Variants in ELOVL6 observed in about 807,000 individuals in gnomAD.
ELOVL6 encodes very long chain fatty acid elongase 6.
A neutral mutation model predicts 31.7 loss-of-function variants in ELOVL6; 8 were observed. That is an observed-to-expected ratio of 0.25 (90% confidence interval 0.15 to 0.45). ELOVL6 has a LOEUF of 0.45. ELOVL6 is among the 20% of genes least tolerant of loss of function. The pLI is 1.00. For synonymous variants in ELOVL6, 101 were observed against 117.7 expected (o/e 0.86, Z 0.92); for missense variants, 126 against 326.4 (o/e 0.39, Z 4.73).
intron 2 of ELOVL6, among the ~76,000 whole-genome samples, chr4:110,101,148 T>C (rs1429463278): frequency 2.0e-5 from 3 of 152,182 alleles, no homozygotes; most frequent in African/African-American, 7.2e-5. Context: ...CAAACGATTA[T>C]CCTGCCTCAG....
At chr4:110,127,510 C>T (rs1006940788) in intron 1 of ELOVL6, among the ~76,000 whole-genome samples, 4 of 151,464 alleles carry the variant, frequency 2.6e-5, no homozygotes, top group African/African-American at 9.7e-5. Context: ...ATCTAAAATT[C>T]CTTATCCTTT....
At chr4:110,136,922 G>A (rs908911283) in intron 1 of ELOVL6, among the ~76,000 whole-genome samples, 12 of 152,142 alleles carry the variant, frequency 7.9e-5, no homozygotes, top group Non-Finnish European at 1.5e-4. Flanking sequence ...TTCTGGGATT[G>A]TCTGTTAAAG....
intron 1 of ELOVL6, among the ~76,000 whole-genome samples, chr4:110,133,698 A>G (rs1560837970): frequency 6.6e-6 from 1 of 152,226 alleles, no homozygotes; most frequent in African/African-American, 2.4e-5. Flanking sequence ...TTATTTCCCA[A>G]TATAATCTCT....
Position 110,127,224 on chromosome 4 carries a change from T to C in ELOVL6, c.90-21596A>G, listed in dbSNP as rs139948236. On this transcript the variant is annotated intron_variant, in intron 1 of 3. Transcript: ENST00000302274. Reference sequence around the variant, plus strand: ...GAGTTCGAGACCAGCCTGACCAACATGGTGAAACCCTGTCTCTACTAAAAA... The same window carrying C: ...GAGTTCGAGACCAGCCTGACCAACACGGTGAAACCCTGTCTCTACTAAAAA... Among the ~76,000 whole-genome samples the C allele has an allele frequency of 0.018, 2,732 of 151,960 alleles. 213 individuals carry two copies. The East Asian group carries it at 0.2, about 11-fold the overall frequency.
At chr4:110,144,452 T>A (rs1758051237) in intron 1 of ELOVL6, among the ~76,000 whole-genome samples, 1 of 152,244 alleles carries the variant, frequency 6.6e-6, no homozygotes, top group Non-Finnish European at 1.5e-5. Flanking sequence ...TTAGCTCCTT[T>A]TTTCATTTTT....
At chr4:110,136,296 A>T (rs181155950) in intron 1 of ELOVL6, among the ~76,000 whole-genome samples, 258 of 152,322 alleles carry the variant, frequency 1.7e-3, no homozygotes, top group African/African-American at 5.9e-3. Flanking sequence ...AAGCTCAATT[A>T]TAAAGTGTTT....
intron 1 of ELOVL6, among the ~76,000 whole-genome samples, chr4:110,111,628 T>C (rs1454913138): frequency 6.6e-6 from 1 of 152,210 alleles, no homozygotes; most frequent in Non-Finnish European, 1.5e-5. Flanking sequence ...GTAGCAAATG[T>C]GTGTTACAGA....
chr4:110,197,075 G>A (rs1337255404), intron 1 of ELOVL6, among the ~76,000 whole-genome samples: 3 of 152,234 alleles, frequency 2.0e-5, no homozygotes, highest in Non-Finnish European at 4.4e-5. Flanking sequence ...AGGCGGGAGG[G>A]CGCGGGGCAC....
intron 1 of ELOVL6, among the ~76,000 whole-genome samples, chr4:110,167,961 C>A (rs535686450): frequency 3.3e-5 from 5 of 152,182 alleles, no homozygotes; most frequent in Non-Finnish European, 7.4e-5. Flanking sequence ...TAAGGAAGTT[C>A]TTTCTTGTAT....
At chr4:110,113,413 T>C (rs1757092321) in intron 1 of ELOVL6, among the ~76,000 whole-genome samples, 1 of 151,680 alleles carries the variant, frequency 6.6e-6, no homozygotes, top group Non-Finnish European at 1.5e-5. Context: ...ACCCCCTCCA[T>C]CTCTACAAAA....
At chr4:110,090,739 G>A (rs1756402579) in intron 2 of ELOVL6, among the ~76,000 whole-genome samples, 1 of 151,934 alleles carries the variant, frequency 6.6e-6, no homozygotes, top group Non-Finnish European at 1.5e-5. Context: ...CAAGTAGCTG[G>A]GATTACAGGT....
intron 1 of ELOVL6, among the ~76,000 whole-genome samples, chr4:110,140,331 G>T (rs984863691): frequency 6.6e-6 from 1 of 152,148 alleles, no homozygotes; most frequent in Non-Finnish European, 1.5e-5. Flanking sequence ...CTCAGTGTCA[G>T]ATCCCTAGCA....
chr4:110,082,989 C>T (rs1014870029), intron 2 of ELOVL6, among the ~76,000 whole-genome samples: 3 of 150,808 alleles, frequency 2.0e-5, no homozygotes, highest in Non-Finnish European at 4.4e-5. Flanking sequence ...GAATCTAGTG[C>T]CCAACATGAG....
intron 3 of ELOVL6, 112 bp downstream of exon 3, chr4:110,059,491 C>A: frequency 8.6e-7 from 1 of 1,158,414 alleles, no homozygotes; most frequent in Non-Finnish European, 1.2e-6. Flanking sequence ...TTCATTGTAA[C>A]TTTCTTGCAA....
intron 2 of ELOVL6, among the ~76,000 whole-genome samples, chr4:110,079,405 G>T (rs1305740254): frequency 2.6e-5 from 4 of 152,208 alleles, no homozygotes; most frequent in African/African-American, 9.6e-5. Context: ...AGACCACGGT[G>T]CAATCAAACT....
chr4:110,053,110 A>C (rs1042977414), intron 3 of ELOVL6, among the ~76,000 whole-genome samples: 1 of 152,194 alleles, frequency 6.6e-6, no homozygotes, highest in African/African-American at 2.4e-5. Context: ...ATTTAAAAAA[A>C]CTTTTTTAGT....
intron 1 of ELOVL6, among the ~76,000 whole-genome samples, chr4:110,167,400 T>C (rs1758808528): frequency 6.6e-6 from 1 of 152,128 alleles, no homozygotes; most frequent in African/African-American, 2.4e-5. Context: ...ATAAGCAGAG[T>C]TTTCTGCAAC....
intron 1 of ELOVL6, among the ~76,000 whole-genome samples, chr4:110,197,095 C>T (rs1187346221): frequency 6.6e-6 from 1 of 152,198 alleles, no homozygotes; most frequent in African/African-American, 2.4e-5. Context: ...CGCGCGCTCG[C>T]GCACGCGGCG....
chr4:110,157,610 G>A (rs1376100255), intron 1 of ELOVL6, among the ~76,000 whole-genome samples: 2 of 152,034 alleles, frequency 1.3e-5, no homozygotes, highest in Non-Finnish European at 2.9e-5. Flanking sequence ...GGCGGAGGTT[G>A]CAGTGAGCTG....
Sources: gnomAD v4.1 joint callset for allele counts (sites outside exome capture counted in the v4.1 genomes callset) on GRCh38, gnomAD v4.1.1 for gene constraint, MANE v1.5 for transcripts, NCBI Gene and HGNC (gene_info 2026-07-23, HGNC 2026-07-21) for gene names.